The following PSME3IP1 variants were observed in gnomAD, a reference collection of about 807,000 sequenced individuals.
The protein encoded by PSME3IP1 is proteasome activator subunit 3 interacting protein 1.
In PSME3IP1, 13 loss-of-function variants were observed where a neutral mutation model predicts 34.1. The observed-to-expected ratio is 0.38, with a 90% CI of 0.25 to 0.61. The LOEUF (loss-of-function observed/expected upper bound fraction) is 0.61, where lower values mean the gene tolerates loss of function less well. Among genes scored for constraint, PSME3IP1 ranks in the 20% least tolerant of loss-of-function variants. PSME3IP1 has a pLI of 0.60. For missense variants in PSME3IP1, 237 were observed against 301.4 expected (o/e 0.79, Z 1.58); for synonymous variants, 93 against 114.3 (o/e 0.81, Z 1.19).
chr16:57,177,601 G>A (rs1338720592), intron 1 of PSME3IP1, among the ~76,000 whole-genome samples: 1 of 152,088 alleles, frequency 6.6e-6, no homozygotes, highest in Non-Finnish European at 1.5e-5. Flanking sequence ...CGTTGCAGGG[G>A]AAAGAAAAAT....
chr16:57,182,586 A>ATTTTTTTTTTTTTT, intron 1 of PSME3IP1, among the ~76,000 whole-genome samples: 1 of 142,804 alleles, frequency 7.0e-6, no homozygotes. Context: ...ACTTTGCATT[A>ATTTTTTTTTTTTTT]CAATAACCAG....
rs930636704 is a variant in PSME3IP1, at chr16:57,154,574, G to A, written c.548-67C>T. ...CCAAAGTTGGGGACTGACTTACCATGTGCCAGGCACTGTACCAAGGGATTT... is the reference window on the plus strand; with the variant it reads ...CCAAAGTTGGGGACTGACTTACCATATGCCAGGCACTGTACCAAGGGATTT... On this transcript the variant is annotated intron_variant, in intron 6 of 6. Transcript: ENST00000309137. This position sits in a 1 kb window ranked among gnomAD's most constrained non-coding sequence, Gnocchi z 4.0. The A allele has an allele frequency of 4.6e-5, 63 of 1,368,854 alleles. No homozygotes were observed. In the East Asian group the frequency reaches 1.5e-3, roughly 32 times the overall value. The allele number at this position is 1,368,854 out of a possible 1,614,324, so 84.8% of individuals were successfully genotyped here.
chr16:57,174,024 G>C, intron 1 of PSME3IP1, 155 bp from the exon 2 acceptor site: 1 of 726,032 alleles, frequency 1.4e-6, no homozygotes, highest in Admixed American at 3.0e-5. Context: ...GGCCGGGTGC[G>C]GTGGCTCATG....
In PSME3IP1 at chr16:57,154,722, G is replaced by A. The variant is rs1381625642; in HGVS notation, c.548-215C>T. On this transcript the variant is annotated intron_variant, in intron 6 of 6. Coordinates refer to ENST00000309137, the MANE Select transcript of PSME3IP1 (RefSeq NM_024946.4). The surrounding 1 kb of genome is among the most constrained non-coding windows in gnomAD (Gnocchi z 4.0). ...AGGTGAAAGGACTTCTGAAAGTAAA[G>A]GGGCAGAGCTGAGACTTGAATCAAG... Among the ~76,000 whole-genome samples the A allele has an allele frequency of 6.6e-6, 1 of 152,198 alleles. No homozygotes were observed. Among genetic ancestry groups the A allele is most frequent in the African/African-American group, 2.4e-5 (1 of 41,440 alleles).
At chr16:57,163,888 T>C in intron 6 of PSME3IP1, 113 bp downstream of exon 6, 2 of 1,103,614 alleles carry the variant, frequency 1.8e-6, no homozygotes, top group Non-Finnish European at 2.7e-6. Flanking sequence ...TAAGCATAGG[T>C]AGGCTTGCTT....
intron 1 of PSME3IP1, among the ~76,000 whole-genome samples, chr16:57,184,813 G>A (rs1472923012): frequency 6.6e-6 from 1 of 152,242 alleles, no homozygotes; most frequent in Non-Finnish European, 1.5e-5. Context: ...AGGACATGAA[G>A]ACTTCAGTTG....
chr16:57,159,029 TG>T (rs2070910957), intron 6 of PSME3IP1, among the ~76,000 whole-genome samples: 1 of 152,250 alleles, frequency 6.6e-6, no homozygotes, highest in Non-Finnish European at 1.5e-5. Flanking sequence ...AATGGCGTTA[TG>T]TGGCACATGA....
chr16:57,185,544 C>T (rs1412640023), intron 1 of PSME3IP1: 13 of 985,370 alleles, frequency 1.3e-5, no homozygotes, highest in Admixed American at 6.1e-5. Context: ...GGTGGCCCTA[C>T]CTAGCAGAAA....
chr16:57,181,824 T>C (rs1267765708), intron 1 of PSME3IP1: 19 of 152,326 alleles, frequency 1.2e-4, no homozygotes, highest in African/African-American at 3.8e-4. Context: ...AAGCAATGCA[T>C]AGGGCAAGGC....
At chr16:57,171,070 T>A (rs1022188617) in intron 4 of PSME3IP1, among the ~76,000 whole-genome samples, 1 of 130,498 alleles carries the variant, frequency 7.7e-6, no homozygotes, top group Non-Finnish European at 1.7e-5. Flanking sequence ...AGAAACTCCA[T>A]CTCAAAAAAA....
In PSME3IP1 at chr16:57,153,842, C is replaced by T. The variant is rs2070194379; in HGVS notation, c.*448G>A. ...CAGTTCTCTTCCCCCGCATGCTCCACAATGCAGTAGAACCAAACAACACAT... is the reference window on the plus strand; with the variant it reads ...CAGTTCTCTTCCCCCGCATGCTCCATAATGCAGTAGAACCAAACAACACAT... On this transcript the variant is annotated 3_prime_UTR_variant, in exon 7 of 7. Coordinates refer to ENST00000309137, the MANE Select transcript of PSME3IP1 (RefSeq NM_024946.4). 1 of 164,954 alleles carries T rather than the reference C, an allele frequency of 6.1e-6. No homozygotes were observed. Among genetic ancestry groups the T allele is most frequent in the Non-Finnish European group, 1.3e-5 (1 of 75,540 alleles). 10.2% of individuals were successfully genotyped at this position (164,954 alleles called of 1,614,324 possible). A position where few individuals can be genotyped will look rare whatever the true frequency, so the allele number is the denominator to read the frequency against.
At position 57,180,260 on chromosome 16, in the gene PSME3IP1, T is replaced by A. The variant is rs553675980; in HGVS notation, c.-16+5561A>T. Among the ~76,000 whole-genome samples the A allele has an allele frequency of 2.1e-4, 32 of 152,312 alleles. No individual in the cohort carries two copies. In the East Asian group the frequency reaches 2.7e-3, roughly 13 times the overall value. ...AACACATACAATAAAAAATTCAGCT[T>A]TGCAATAATCTTTCAGGCATCTATG... On this transcript the variant is annotated intron_variant, in intron 1 of 6. Coordinates refer to ENST00000309137, the MANE Select transcript of PSME3IP1 (RefSeq NM_024946.4).
At chr16:57,169,612 G>T (rs1172185083) in intron 4 of PSME3IP1, among the ~76,000 whole-genome samples, 1 of 152,162 alleles carries the variant, frequency 6.6e-6, no homozygotes, top group African/African-American at 2.4e-5. Context: ...GGTTTCTTTT[G>T]TCTCACTGCT....
Position 57,185,958 on chromosome 16 carries a change from G to T in PSME3IP1, c.-153C>A, listed in dbSNP as rs1355879826. 2 of 982,280 alleles carry T rather than the reference G, an allele frequency of 2.0e-6. No individual in the cohort carries two copies. Among genetic ancestry groups the T allele is most frequent in the African/African-American group, 1.8e-5 (1 of 56,556 alleles). 60.8% of individuals were successfully genotyped at this position (982,280 alleles called of 1,614,324 possible). A position where few individuals can be genotyped will look rare whatever the true frequency, so the allele number is the denominator to read the frequency against. ...GAAACAGAGGAAGGAATGAATGAAA[G>T]AAAGAAAAAAAAAAAGAAAATAGCC... On this transcript the variant is annotated 5_prime_UTR_variant, in exon 1 of 7. Transcript: ENST00000309137.
chr16:57,178,540 G>A, intron 1 of PSME3IP1: 3 of 985,258 alleles, frequency 3.0e-6, no homozygotes, highest in South Asian at 4.7e-5. Context: ...AATCTGAGCA[G>A]GGAGGAATGA....
intron 1 of PSME3IP1, chr16:57,178,946 C>T (rs1478618072): frequency 3.7e-6 from 1 of 268,946 alleles, no homozygotes; most frequent in Non-Finnish European, 5.7e-6. Context: ...CTTCTAATTC[C>T]TATTGTCTAG....
chr16:57,170,827 C>CT (rs1318234059), intron 4 of PSME3IP1, among the ~76,000 whole-genome samples: 1 of 152,188 alleles, frequency 6.6e-6, no homozygotes, highest in Non-Finnish European at 1.5e-5. Flanking sequence ...AATCCCTGCA[C>CT]TTTGGGATGC....
chr16:57,172,990 T>C (rs1456855772), intron 2 of PSME3IP1, 116 bp from the exon 3 acceptor site: 2 of 715,720 alleles, frequency 2.8e-6, no homozygotes, highest in African/African-American at 1.8e-5. Context: ...AGTCTCTGCA[T>C]GATCTGAGGG....
intron 6 of PSME3IP1, among the ~76,000 whole-genome samples, chr16:57,159,781 C>T (rs964341509): frequency 7.2e-5 from 11 of 152,204 alleles, no homozygotes; most frequent in Admixed American, 6.5e-4. Context: ...TTCCTTTCCA[C>T]TGATTCATTT....
Sources: gnomAD v4.1 joint callset for allele counts (sites outside exome capture counted in the v4.1 genomes callset) on GRCh38, gnomAD v4.1.1 for gene constraint, Gnocchi (gnomAD v3.1) non-coding constraint, MANE v1.5 for transcripts, NCBI Gene and HGNC (gene_info 2026-07-23, HGNC 2026-07-21) for gene names.